The following ALDH1A3 variants were observed in gnomAD, a reference collection of about 807,000 sequenced individuals.
ALDH1A3 encodes retinaldehyde dehydrogenase 3.
ALDH1A3 carries 28 observed loss-of-function variants against 57.5 expected under a neutral mutation model. The ratio of observed to expected loss-of-function variants is 0.49; its 90% CI spans 0.36 to 0.67. The LOEUF (loss-of-function observed/expected upper bound fraction) is 0.67, where lower values mean the gene tolerates loss of function less well. Among genes scored for constraint, ALDH1A3 ranks in the 30% least tolerant of loss-of-function variants. The pLI, the probability that ALDH1A3 is intolerant of heterozygous loss-of-function variation, is 0.00. For missense variants in ALDH1A3, 507 were observed against 669.4 expected (o/e 0.76, Z 2.68); for synonymous variants, 281 against 264.8 (o/e 1.06, Z -0.59).
chr15:100,887,750 C>T lies in ALDH1A3; in HGVS notation c.345+38C>T. The T allele has an allele frequency of 6.5e-7, 1 of 1,546,860 alleles. No homozygotes were observed. The highest frequency in any genetic ancestry group is 8.8e-7 in the Non-Finnish European group (1 of 1,142,342). The stretch of plus-strand genomic sequence containing the variant: ...ACTTGGGGGCCGGTGGGGGATGAGC[C>T]AGCCTCACTGAGGGTCCTGTCCACC... On this transcript the variant is annotated intron_variant, in intron 3 of 12. Transcript: ENST00000329841. The surrounding 1 kb of genome is among the most constrained non-coding windows in gnomAD (Gnocchi z 4.6).
Position 100,889,364 on chromosome 15 carries a change from T to C in ALDH1A3, c.345+1652T>C, listed in dbSNP as rs2041626863. Among the ~76,000 whole-genome samples, 1 of 152,016 alleles carries C rather than the reference T, an allele frequency of 6.6e-6. No homozygotes were observed. ...TTGGGTGCATTTCCCTAAGGGTGCA[T>C]CCACACAGAAACTCGAGCTCCCCTT... On this transcript the variant is annotated intron_variant, in intron 3 of 12. Transcript: ENST00000329841. This position sits in a 1 kb window ranked among gnomAD's most constrained non-coding sequence, Gnocchi z 5.1.
rs199716125 is a variant in ALDH1A3 at position 100,905,720 on chromosome 15, C to T, written c.1233+33C>T. Reference sequence around the variant, plus strand: ...GGGGCTGTGGCAAGGCTACGACTTGCGGGGCCTTTCAAACACGAGTCCTTC... The same window carrying T: ...GGGGCTGTGGCAAGGCTACGACTTGTGGGGCCTTTCAAACACGAGTCCTTC... On this transcript the variant is annotated intron_variant, in intron 10 of 12. Coordinates refer to ENST00000329841, the MANE Select transcript of ALDH1A3 (RefSeq NM_000693.4). 20 of 1,501,448 alleles carry T rather than the reference C, an allele frequency of 1.3e-5. No individual in the cohort carries two copies. In the Admixed American group the frequency reaches 1.8e-4, roughly 14 times the overall value. 93.0% of individuals were successfully genotyped at this position (1,501,448 alleles called of 1,614,324 possible).
In ALDH1A3 at chr15:100,901,899, C is replaced by T. The variant is rs539230967; in HGVS notation, c.1068+1140C>T. The stretch of plus-strand genomic sequence containing the variant: ...ACTGGCCCCAGTCCACACACTCCGA[C>T]GCCACGTGACCCTGGCAGAAAGCAC... On this transcript the variant is annotated intron_variant, in intron 9 of 12. Coordinates refer to ENST00000329841, the MANE Select transcript of ALDH1A3 (RefSeq NM_000693.4). Among the ~76,000 whole-genome samples the T allele has an allele frequency of 2.0e-5, 3 of 152,260 alleles. No homozygotes were observed. The East Asian group carries it at 5.8e-4, about 29-fold the overall frequency.
chr15:100,904,675 T>G (rs988850643), intron 9 of ALDH1A3, among the ~76,000 whole-genome samples: 8 of 152,204 alleles, frequency 5.3e-5, no homozygotes, highest in African/African-American at 1.9e-4. Context: ...ATTTTCCCTC[T>G]TGAGCAGTCT....
At chr15:100,888,832 T>C (rs1251151861) in intron 3 of ALDH1A3, 1 of 152,234 alleles carries the variant, frequency 6.6e-6, no homozygotes, top group Non-Finnish European at 1.5e-5. Context: ...CAGTAAGCAC[T>C]AAATAGATGA....
chr15:100,883,855 C>T (rs925840580), intron 1 of ALDH1A3, among the ~76,000 whole-genome samples: 2 of 152,122 alleles, frequency 1.3e-5, no homozygotes, highest in African/African-American at 2.4e-5. Context: ...GAGATGGCTG[C>T]CCTCTCTCAT....
chr15:100,906,389 G>A lies in ALDH1A3; in HGVS notation c.1233+702G>A, dbSNP rs1039713501. 1.3e-5 allele frequency among the ~76,000 whole-genome samples: 2 copies of A among 152,298 alleles called. No individual in the cohort carries two copies. Among genetic ancestry groups the A allele is most frequent in the Non-Finnish European group, 2.9e-5 (2 of 68,028 alleles). On this transcript the variant is annotated intron_variant, in intron 10 of 12. Transcript: ENST00000329841. The surrounding 1 kb of genome is among the most constrained non-coding windows in gnomAD (Gnocchi z 4.8). The stretch of plus-strand genomic sequence containing the variant: ...TGAGTCCCTGCCAAGGGCTTTCTGG[G>A]GCAGGTATTTCAGAGGCGTCTTCCT...
Position 100,898,201 on chromosome 15 carries a change from C to T in ALDH1A3, c.883+16C>T, listed in dbSNP as rs761255643. 2 of 1,609,190 alleles carry T rather than the reference C, an allele frequency of 1.2e-6. No individual in the cohort carries two copies. Among genetic ancestry groups the T allele is most frequent in the Non-Finnish European group, 1.7e-6 (2 of 1,176,016 alleles). On this transcript the variant is annotated intron_variant, in intron 8 of 12. Transcript: ENST00000329841. ...GACGCTGACTGTGAGTCTCTGCCCTCCTGGGCTTTGCTGGGGCTTCAGGGC... is the reference window on the plus strand; with the variant it reads ...GACGCTGACTGTGAGTCTCTGCCCTTCTGGGCTTTGCTGGGGCTTCAGGGC...
Position 100,900,731 on chromosome 15 carries a change from T to G in ALDH1A3, c.1040T>G (p.Phe347Cys). 1 of 1,614,042 alleles carries G rather than the reference T, an allele frequency of 6.2e-7. No homozygotes were observed. Among genetic ancestry groups the G allele is most frequent in the Non-Finnish European group, 8.5e-7 (1 of 1,179,988 alleles). ...AAGAAACGGCCCGTGGGAGACCCCTTCGATGTCAAAACAGAACAGGGGCCT... is the reference window on the plus strand; with the variant it reads ...AAGAAACGGCCCGTGGGAGACCCCTGCGATGTCAAAACAGAACAGGGGCCT... The part of the protein sequence containing the change: ...YAKKRPVGDP[F>C]DVKTEQGPQI... The change falls in exon 9 of 13, where the codon TTC (phenylalanine) becomes TGC (cysteine). Residue 347 changes from phenylalanine to cysteine, a missense_variant. Physicochemically the swap from Phe to Cys is radical, Grantham distance 205. Coordinates refer to ENST00000329841, the MANE Select transcript of ALDH1A3 (RefSeq NM_000693.4).
At chr15:100,903,799 T>C (rs1189890955) in intron 9 of ALDH1A3, among the ~76,000 whole-genome samples, 2 of 152,256 alleles carry the variant, frequency 1.3e-5, no homozygotes, top group Non-Finnish European at 2.9e-5. Flanking sequence ...ACCGTTTGTA[T>C]TTCCTTTATT....
intron 3 of ALDH1A3, among the ~76,000 whole-genome samples, chr15:100,888,217 G>A (rs911139065): frequency 2.6e-5 from 4 of 152,106 alleles, no homozygotes; most frequent in African/African-American, 9.7e-5. Flanking sequence ...TCTTGCCTCA[G>A]CCTCCTGAGT....
At chr15:100,897,940 G>C in intron 7 of ALDH1A3, 143 bp from the exon 8 acceptor site, 2 of 649,548 alleles carry the variant, frequency 3.1e-6, no homozygotes, top group Non-Finnish European at 5.6e-6. Context: ...GTGAAGGGAC[G>C]GCATCGGGGC....
At chr15:100,883,848 A>T (rs2041569360) in intron 1 of ALDH1A3, among the ~76,000 whole-genome samples, 1 of 152,146 alleles carries the variant, frequency 6.6e-6, no homozygotes, top group South Asian at 2.1e-4. Flanking sequence ...TGCTTAGGAG[A>T]TGGCTGCCCT....
At chr15:100,881,007 T>C (rs2041542634) in intron 1 of ALDH1A3, 1 of 152,334 alleles carries the variant, frequency 6.6e-6, no homozygotes, top group African/African-American at 2.4e-5. Flanking sequence ...TCTCTTGATT[T>C]TTGCTTTTAC....
At position 100,885,380 on chromosome 15, in the gene ALDH1A3, T is replaced by C; in HGVS notation, c.204+9T>C. On this transcript the variant is annotated intron_variant, in intron 2 of 12. Coordinates refer to ENST00000329841, the MANE Select transcript of ALDH1A3 (RefSeq NM_000693.4). ...TGGAAGAAGGAGATAAGGTAAATAC[T>C]TAAAATAAATTTGCTCTAAGTAATT... The C allele has an allele frequency of 6.3e-7, 1 of 1,577,650 alleles. No individual in the cohort carries two copies. The highest frequency in any genetic ancestry group is 8.7e-7 in the Non-Finnish European group (1 of 1,147,198).
In ALDH1A3 at chr15:100,907,108, C is replaced by G. The variant is rs757576110; in HGVS notation, c.1234-13C>G. ...GTCATGCCTCTCATTGCCATTCTTG[C>G]AATTAATCATAGATTTTCGGGCCAG... On this transcript the variant is annotated splice_polypyrimidine_tract_variant and intron_variant, in intron 10 of 12. Transcript: ENST00000329841. 6.2e-6 allele frequency: 10 copies of G among 1,609,716 alleles called. No individual in the cohort carries two copies. The highest frequency in any genetic ancestry group is 7.6e-6 in the Non-Finnish European group (9 of 1,177,278).
chr15:100,888,037 C>T (rs1251603262), intron 3 of ALDH1A3, among the ~76,000 whole-genome samples: 3 of 152,160 alleles, frequency 2.0e-5, no homozygotes, highest in Non-Finnish European at 4.4e-5. Flanking sequence ...TATCCTGGTA[C>T]CACCTGTGTG....
chr15:100,908,438 G>A lies in ALDH1A3; in HGVS notation c.1422G>A (p.Gln474=). Residue 474 remains glutamine (Q), a synonymous_variant, in exon 12 of 13, where the codon CAG becomes CAA. Transcript: ENST00000329841. ...WINCYNALYA[Q]APFGGFKMSG... ...ACTGCTACAACGCCCTCTATGCACA[G>A]GCTCCATTTGGTGGCTTTAAAATGT... 1 of 1,614,014 alleles carries A rather than the reference G, an allele frequency of 6.2e-7. No individual in the cohort carries two copies. Among genetic ancestry groups the A allele is most frequent in the South Asian group, 1.1e-5 (1 of 91,074 alleles).
Position 100,894,105 on chromosome 15 carries a change from A to G in ALDH1A3, c.666+23A>G. The G allele has an allele frequency of 1.2e-6, 2 of 1,612,654 alleles. No homozygotes were observed. Among genetic ancestry groups the G allele is most frequent in the East Asian group, 2.2e-5 (1 of 44,848 alleles). On this transcript the variant is annotated intron_variant, in intron 6 of 12. Transcript: ENST00000329841. The surrounding 1 kb of genome is among the most constrained non-coding windows in gnomAD (Gnocchi z 4.5). ...GAGGTGAGACATCCAAAAAGAAAATATCACATGTTCTTGGTAACATTCCCA... is the reference window on the plus strand; with the variant it reads ...GAGGTGAGACATCCAAAAAGAAAATGTCACATGTTCTTGGTAACATTCCCA...
Sources: allele counts gnomAD v4.1 joint callset (sites outside exome capture counted in the v4.1 genomes callset), GRCh38; gene constraint gnomAD v4.1.1; non-coding constraint Gnocchi (gnomAD v3.1); transcripts MANE v1.5; gene names NCBI Gene and HGNC (gene_info 2026-07-23, HGNC 2026-07-21).